ZNF91: variants seen among roughly 807,000 people sequenced by gnomAD.
The protein encoded by ZNF91 is zinc finger protein 91, also known as zinc finger protein 91 (HPF7, HTF10).
A neutral mutation model predicts 12.6 loss-of-function variants in ZNF91; 7 were observed. The ratio of observed to expected loss-of-function variants is 0.55; its 90% CI spans 0.31 to 1.04. ZNF91 has a LOEUF of 1.04. Ranked by LOEUF, ZNF91 falls within the 50% of genes least tolerant of loss-of-function variation. The pLI, the probability that ZNF91 is intolerant of heterozygous loss-of-function variation, is 0.05. For synonymous variants in ZNF91, 453 were observed against 462.6 expected, an observed-to-expected ratio of 0.98 and a Z score of 0.27; for missense variants, 1,217 against 1,385.4, an observed-to-expected ratio of 0.88 and a Z score of 1.93.
chr19:23,325,390 C>T (rs1967816605), intron 1 of ZNF91: 1 of 152,082 alleles, frequency 6.6e-6, no homozygotes, highest in African/African-American at 2.4e-5. Flanking sequence ...TGGTCCCATA[C>T]CTGGGCGTGA....
intron 1 of ZNF91, chr19:23,385,311 T>G (rs2145128289): frequency 4.3e-6 from 2 of 460,510 alleles, no homozygotes; most frequent in Admixed American, 7.7e-5. Flanking sequence ...CGAACTTATT[T>G]CCTTTGGGGT....
intron 1 of ZNF91, among the ~76,000 whole-genome samples, chr19:23,318,077 G>A (rs538929255): frequency 1.3e-5 from 2 of 152,198 alleles, no homozygotes; most frequent in South Asian, 4.1e-4. Flanking sequence ...CCTTGGCACC[G>A]CCCACAGACA....
intron 1 of ZNF91, 142 bp downstream of exon 1, chr19:23,395,183 C>A (rs1970190960): frequency 9.6e-7 from 1 of 1,036,796 alleles, no homozygotes; most frequent in Non-Finnish European, 1.4e-6. Context: ...CTGAAGGGGA[C>A]TGAGGCCGAG....
chr19:23,351,956 C>G (rs1445610567), intron 3 of ZNF91, among the ~76,000 whole-genome samples: 4 of 152,122 alleles, frequency 2.6e-5, no homozygotes, highest in Non-Finnish European at 5.9e-5. Context: ...GGAGGGAGGA[C>G]AGAGGAGCAG....
upstream of ZNF91, among the ~76,000 whole-genome samples, chr19:23,314,773 A>C (rs1280350496): frequency 6.6e-6 from 1 of 152,230 alleles, no homozygotes; most frequent in Non-Finnish European, 1.5e-5. Context: ...TGGGTCCAGC[A>C]GCAAGGATTA....
Position 23,361,332 on chromosome 19 carries a change from T to C in ZNF91, c.1647A>G (p.Lys549=). 3 of 1,613,684 alleles carry C rather than the reference T, an allele frequency of 1.9e-6. No individual in the cohort carries two copies. Among genetic ancestry groups the C allele is most frequent in the Non-Finnish European group, 2.5e-6 (3 of 1,179,794 alleles). Residue 549 remains lysine, a synonymous_variant, in exon 4 of 4, where the codon AAA becomes AAG. Coordinates refer to ENST00000300619, the MANE Select transcript of ZNF91 (RefSeq NM_003430.4). ...ATTGCTTAAAAGCTTTGCCACATTC[T>C]TTACATTTGTAGGGTTTCTCTCTAC... ...IHSREKPYKC[K]ECGKAFKQFS...
chr19:23,391,599 C>A (rs903752051), intron 1 of ZNF91, among the ~76,000 whole-genome samples: 5 of 152,166 alleles, frequency 3.3e-5, no homozygotes, highest in Non-Finnish European at 5.9e-5. Context: ...TTACATACAT[C>A]TAACTTTTAT....
intron 1 of ZNF91, among the ~76,000 whole-genome samples, chr19:23,382,679 G>A (rs771314396): frequency 1.3e-5 from 2 of 151,928 alleles, no homozygotes; most frequent in African/African-American, 2.4e-5. Context: ...AACACACAGA[G>A]ATATTACCAC....
intron 3 of ZNF91, among the ~76,000 whole-genome samples, chr19:23,363,176 T>C (rs1041277062): frequency 1.3e-5 from 2 of 152,254 alleles, no homozygotes; most frequent in African/African-American, 4.8e-5. Flanking sequence ...CTTCCCATTA[T>C]AACAGAGTGC....
downstream of ZNF91, among the ~76,000 whole-genome samples, chr19:23,354,291 G>C (rs1352077875): frequency 6.6e-6 from 1 of 152,002 alleles, no homozygotes. Context: ...TTTCATACCA[G>C]GTATGCAGGG....
intron 1 of ZNF91, among the ~76,000 whole-genome samples, chr19:23,318,088 G>C (rs1241800964): frequency 1.3e-5 from 2 of 152,178 alleles, no homozygotes; most frequent in African/African-American, 2.4e-5. Flanking sequence ...CCCACAGACA[G>C]CACTGTGACA....
rs1196412443 is a variant in ZNF91, at chr19:23,361,277, G to T, written c.1702C>A (p.His568Asn). Residue 568 changes from histidine (H) to asparagine (N), a missense_variant, in exon 4 of 4, where the codon CAT (histidine) becomes AAT (asparagine). By Grantham distance (68) the His-to-Asn change is moderately conservative. Transcript: ENST00000300619. ...FSTLTTHKIIHAGKKLYKCEE... is the reference protein window; with the variant it reads ...FSTLTTHKIINAGKKLYKCEE... The stretch of plus-strand genomic sequence containing the variant: ...CATTTGTAGAGTTTCTTTCCAGCAT[G>T]AATTATTTTATGTGTAGTAAGGGTT... 4.3e-6 allele frequency: 7 copies of T among 1,613,404 alleles called. No individual in the cohort carries two copies. Among genetic ancestry groups the T allele is most frequent in the Middle Eastern group, 1.7e-4 (1 of 6,052 alleles).
intron 1 of ZNF91, among the ~76,000 whole-genome samples, chr19:23,320,860 T>C (rs1002185033): frequency 6.6e-6 from 1 of 152,212 alleles, no homozygotes; most frequent in Non-Finnish European, 1.5e-5. Context: ...ATTTGAATCT[T>C]ATATCTAGAG....
chr19:23,319,705 G>C (rs1038349819), intron 1 of ZNF91, among the ~76,000 whole-genome samples: 2 of 152,184 alleles, frequency 1.3e-5, no homozygotes, highest in Admixed American at 6.5e-5. Flanking sequence ...TGAATACGTA[G>C]ATCATTGTGA....
chr19:23,369,556 G>A (rs1386293103), intron 3 of ZNF91, among the ~76,000 whole-genome samples: 1 of 152,082 alleles, frequency 6.6e-6, no homozygotes, highest in East Asian at 1.9e-4. Flanking sequence ...CAGTTTTGTC[G>A]AATAGAAAAG....
At chr19:23,338,827 G>C (rs896354779) in exon 4 of ZNF91, 1 of 152,120 alleles carries the variant, frequency 6.6e-6, no homozygotes, top group Admixed American at 6.6e-5. Context: ...GGTGAGGTGA[G>C]GGTATCACGA....
At position 23,362,382 on chromosome 19, in the gene ZNF91, T is replaced by G. The variant is rs751473780; in HGVS notation, c.597A>C (p.Gln199His). The stretch of plus-strand genomic sequence containing the variant: ...TCTCTGTAATATAAACGCATTTATG[T>G]TGGGTTTTGTGTAAACGGATGCAAA... ...KSFCIRLHKTQHKCVYITEKS... is the reference protein window; with the variant it reads ...KSFCIRLHKTHHKCVYITEKS... The change falls in exon 4 of 4, where the codon CAA becomes CAC. Residue 199 changes from glutamine (Q) to histidine (H), a missense_variant. This residue lies in a region of ZNF91 where 726 missense variants were observed against 895.5 expected (regional missense o/e 0.81). Coordinates refer to ENST00000300619, the MANE Select transcript of ZNF91 (RefSeq NM_003430.4). 1 of 1,613,870 alleles carries G rather than the reference T, an allele frequency of 6.2e-7. No individual in the cohort carries two copies. Among genetic ancestry groups the G allele is most frequent in the Non-Finnish European group, 8.5e-7 (1 of 1,179,968 alleles).
At chr19:23,367,783 G>A (rs570120317) in intron 3 of ZNF91, among the ~76,000 whole-genome samples, 1 of 152,114 alleles carries the variant, frequency 6.6e-6, no homozygotes, top group Non-Finnish European at 1.5e-5. Flanking sequence ...CACAATGGAA[G>A]ATAACCTTTT....
downstream of ZNF91, among the ~76,000 whole-genome samples, chr19:23,335,623 C>T (rs570589084): frequency 6.6e-6 from 1 of 152,348 alleles, no homozygotes; most frequent in Non-Finnish European, 1.5e-5. Flanking sequence ...ACCCTCCGTG[C>T]CAGGCACAGG....
Sources: gnomAD v4.1 joint callset for allele counts (sites outside exome capture counted in the v4.1 genomes callset) on GRCh38, gnomAD v4.1.1 for gene constraint, gnomAD v4.1.1 regional missense constraint, MANE v1.5 for transcripts, NCBI Gene and HGNC (gene_info 2026-07-23, HGNC 2026-07-21) for gene names.